The following ARHGEF7 variants were observed in gnomAD, a reference collection of about 807,000 sequenced individuals.
The protein encoded by ARHGEF7 is PAK-interacting exchange factor beta.
In ARHGEF7, 33 loss-of-function variants were observed where a neutral mutation model predicts 109.8. The observed-to-expected ratio is 0.30, with a 90% confidence interval of 0.23 to 0.40. The LOEUF (loss-of-function observed/expected upper bound fraction) is 0.40, where lower values mean the gene tolerates loss of function less well. Ranked by LOEUF, ARHGEF7 falls within the 10% of genes least tolerant of loss-of-function variation. The pLI is 1.00. For synonymous variants in ARHGEF7, 458 were observed against 424.6 expected, an observed-to-expected ratio of 1.08 and a Z score of -0.97; for missense variants, 938 against 1,098.5, an observed-to-expected ratio of 0.85 and a Z score of 2.07.
chr13:111,183,001 A>T (rs1273709541), intron 2 of ARHGEF7, among the ~76,000 whole-genome samples: 1 of 152,212 alleles, frequency 6.6e-6, no homozygotes, highest in East Asian at 1.9e-4. Context: ...AGCTAGGCTG[A>T]GCTGTGATGT....
At chr13:111,144,963 T>C (rs936081982) in intron 1 of ARHGEF7, among the ~76,000 whole-genome samples, 19 of 152,304 alleles carry the variant, frequency 1.2e-4, no homozygotes, top group African/African-American at 4.6e-4. Flanking sequence ...TAGGGAACTC[T>C]TGTTAAGTGG....
In ARHGEF7 at chr13:111,273,377, A is replaced by G. The variant is rs1271354274; in HGVS notation, c.1074-437A>G. On this transcript the variant is annotated intron_variant, in intron 9 of 21. Coordinates refer to ENST00000646102, the MANE Select transcript of ARHGEF7 (RefSeq NM_001354046.2). The surrounding 1 kb of genome is among the most constrained non-coding windows in gnomAD (Gnocchi z 4.5). ...GGGCCTGCTCGCTGGACGAACTCGC[A>G]TCTGGGGATGACTACCATCAGTGTG... Among the ~76,000 whole-genome samples, 1 of 152,226 alleles carries G rather than the reference A, an allele frequency of 6.6e-6. No homozygotes were observed. The highest frequency in any genetic ancestry group is 1.5e-5 in the Non-Finnish European group (1 of 68,044).
rs1484352524 is a variant in ARHGEF7 at position 111,266,288 on chromosome 13, T to C, written c.951-1260T>C. 6.6e-6 allele frequency among the ~76,000 whole-genome samples: 1 copy of C among 152,056 alleles called. No individual in the cohort carries two copies. Among genetic ancestry groups the C allele is most frequent in the Non-Finnish European group, 1.5e-5 (1 of 67,992 alleles). On this transcript the variant is annotated intron_variant, in intron 8 of 21. Coordinates refer to ENST00000646102, the MANE Select transcript of ARHGEF7 (RefSeq NM_001354046.2). This position sits in a 1 kb window ranked among gnomAD's most constrained non-coding sequence, Gnocchi z 4.8. Reference sequence around the variant, plus strand: ...TCCTCATTCTCGGTGTGAACAGGTGTTTCTCACTCAGAGCTCTTCGCATCC... The same window carrying C: ...TCCTCATTCTCGGTGTGAACAGGTGCTTCTCACTCAGAGCTCTTCGCATCC...
At chr13:111,241,427 C>G in intron 6 of ARHGEF7, 1 of 1,374,876 alleles carries the variant, frequency 7.3e-7, no homozygotes, top group Non-Finnish European at 9.9e-7. Context: ...GTCAGGGAGC[C>G]AGGCCTGGCT....
intron 2 of ARHGEF7, among the ~76,000 whole-genome samples, chr13:111,202,237 C>T (rs1445267160): frequency 6.6e-6 from 1 of 152,182 alleles, no homozygotes; most frequent in African/African-American, 2.4e-5. Flanking sequence ...AGGAAGTGTG[C>T]CTGTGCTGGC....
intron 2 of ARHGEF7, among the ~76,000 whole-genome samples, chr13:111,172,029 G>T (rs2077645430): frequency 6.6e-6 from 1 of 152,188 alleles, no homozygotes; most frequent in South Asian, 2.1e-4. Flanking sequence ...AGCCGCCCAG[G>T]TTATGGTATT....
At chr13:111,153,681 A>G (rs2076044391) in intron 1 of ARHGEF7, 1 of 1,250,982 alleles carries the variant, frequency 8.0e-7, no homozygotes, top group Non-Finnish European at 1.0e-6. Context: ...CTGGTGCGGG[A>G]AGGGGCAGAG....
At position 111,288,627 on chromosome 13, in the gene ARHGEF7, T is replaced by C. The variant is rs575754634; in HGVS notation, c.2134+184T>C. ...GCTGAGCTTCAGGTCCCTAAATTCA[T>C]GCAGCTGCGTCTGAGCTGTGGGCAC... is the stretch of plus-strand genomic sequence containing the variant. On this transcript the variant is annotated intron_variant, in intron 18 of 21. Coordinates refer to ENST00000646102, the MANE Select transcript of ARHGEF7 (RefSeq NM_001354046.2). Among the ~76,000 whole-genome samples the C allele has an allele frequency of 3.0e-4, 46 of 152,274 alleles. 2 individuals are homozygous for C. The South Asian group carries it at 4.1e-3, about 14-fold the overall frequency.
At chr13:111,168,787 T>C (rs957617324) in intron 2 of ARHGEF7, among the ~76,000 whole-genome samples, 1 of 152,204 alleles carries the variant, frequency 6.6e-6, no homozygotes, top group East Asian at 1.9e-4. Flanking sequence ...GGTTTTGATA[T>C]GTTGACTCCA....
At chr13:111,134,062 G>A (rs993240888) in intron 1 of ARHGEF7, among the ~76,000 whole-genome samples, 4 of 150,996 alleles carry the variant, frequency 2.6e-5, no homozygotes, top group African/African-American at 4.9e-5. Context: ...TTGTCCTTGC[G>A]ATAGTTTGCT....
At chr13:111,130,408 G>C (rs577908807) in intron 1 of ARHGEF7, among the ~76,000 whole-genome samples, 96 of 152,312 alleles carry the variant, frequency 6.3e-4, no homozygotes, top group Non-Finnish European at 9.7e-4. Context: ...TTTGTTGAGT[G>C]TAATGGAGCT....
chr13:111,215,179 G>A (rs890009852), intron 4 of ARHGEF7, among the ~76,000 whole-genome samples: 1 of 152,074 alleles, frequency 6.6e-6, no homozygotes, highest in South Asian at 2.1e-4. Context: ...GTAACTGGGG[G>A]CATCCGTCCC....
At chr13:111,288,245 T>A in intron 17 of ARHGEF7, 109 bp from the exon 18 acceptor site, 1 of 517,474 alleles carries the variant, frequency 1.9e-6, no homozygotes. Flanking sequence ...AAGGGCAGAT[T>A]ATCTTACTTG....
intron 2 of ARHGEF7, among the ~76,000 whole-genome samples, chr13:111,202,455 C>A (rs767272146): frequency 6.6e-6 from 1 of 152,212 alleles, no homozygotes; most frequent in Non-Finnish European, 1.5e-5. Context: ...ATTGCTGCTC[C>A]TGAGGCTGAG....
chr13:111,117,393 A>G (rs1052550707), intron 1 of ARHGEF7, among the ~76,000 whole-genome samples: 8 of 152,246 alleles, frequency 5.3e-5, no homozygotes, highest in African/African-American at 1.7e-4. Flanking sequence ...ACAACTCAAC[A>G]TATTCTAAAA....
rs368396968 is a variant in ARHGEF7 at position 111,153,894 on chromosome 13, C to T, written c.166-11C>T. 2.4e-5 allele frequency: 39 copies of T among 1,596,738 alleles called. No individual in the cohort carries two copies. Among genetic ancestry groups the T allele is most frequent in the Non-Finnish European group, 3.2e-5 (38 of 1,173,864 alleles). ...GGCCACGGCGCTCAGCGCTTGTGCT[C>T]TGTATTGCAGGTCTACCCCGAGCCC... On this transcript the variant is annotated splice_polypyrimidine_tract_variant and intron_variant, in intron 1 of 21. Transcript: ENST00000646102.
At chr13:111,216,212 A>C (rs923656620) in intron 4 of ARHGEF7, among the ~76,000 whole-genome samples, 1 of 152,104 alleles carries the variant, frequency 6.6e-6, no homozygotes, top group Non-Finnish European at 1.5e-5. Flanking sequence ...TCAGCTTCTG[A>C]GACTGATACC....
chr13:111,302,900 G>A, intron 21 of ARHGEF7, 91 bp from the exon 22 acceptor site: 1 of 1,519,460 alleles, frequency 6.6e-7, no homozygotes, highest in East Asian at 2.3e-5. Flanking sequence ...ATGAATCGAG[G>A]CCTTAGCTCC....
Position 111,115,399 on chromosome 13 carries a change from C to T in ARHGEF7, c.-128C>T, listed in dbSNP as rs1267346315. 1.8e-5 allele frequency: 11 copies of T among 619,374 alleles called. No individual in the cohort carries two copies. In the African/African-American group the frequency reaches 1.8e-4, roughly 10 times the overall value. 38.4% of individuals were successfully genotyped at this position (619,374 alleles called of 1,614,324 possible). On this transcript the variant is annotated 5_prime_UTR_variant, in exon 1 of 22. Coordinates refer to ENST00000646102, the MANE Select transcript of ARHGEF7 (RefSeq NM_001354046.2). ...CCGGGCCGGACCTGCTGGGCCGCGC[C>T]GAGCCAATCGCCGGCGCCGGCCGCT...
Sources: allele counts gnomAD v4.1 joint callset (sites outside exome capture counted in the v4.1 genomes callset), GRCh38; gene constraint gnomAD v4.1.1; non-coding constraint Gnocchi (gnomAD v3.1); transcripts MANE v1.5; gene names NCBI Gene and HGNC (gene_info 2026-07-23, HGNC 2026-07-21).